Variants in C2CD5 observed in about 807,000 individuals in gnomAD.
C2CD5 encodes C2 calcium dependent domain containing 5.
Under a neutral mutation model 130.3 loss-of-function variants are expected in C2CD5, and 109 were observed. That is an observed-to-expected ratio of 0.84 (90% CI 0.72 to 0.98). The LOEUF is 0.98. C2CD5 is among the 50% of genes least tolerant of loss of function. C2CD5 has a pLI of 0.00. For synonymous variants in C2CD5, 454 were observed against 429.2 expected (o/e 1.06, Z -0.71); for missense variants, 996 against 1,261.8 (o/e 0.79, Z 3.19).
At chr12:22,497,907 TAC>T (rs3063916) in intron 10 of C2CD5, among the ~76,000 whole-genome samples, 12,471 of 145,542 alleles carry the variant, frequency 0.086, 625 homozygotes, top group Non-Finnish European at 0.12. Context: ...TGCACACACA[TAC>T]ACACACACAC....
chr12:22,535,132 G>A (rs1022752494), intron 3 of C2CD5, 126 bp downstream of exon 3: 10 of 660,742 alleles, frequency 1.5e-5, no homozygotes, highest in Non-Finnish European at 2.2e-5. Flanking sequence ...TAGGTAAGCA[G>A]AAAAGAAAAT....
At chr12:22,536,558 A>T (rs1951832190) in intron 2 of C2CD5, among the ~76,000 whole-genome samples, 1 of 152,188 alleles carries the variant, frequency 6.6e-6, no homozygotes, top group African/African-American at 2.4e-5. Context: ...GACTATATGT[A>T]CTGTCACTAG....
chr12:22,453,572 A>G (rs1274797043), intron 26 of C2CD5, among the ~76,000 whole-genome samples: 1 of 152,176 alleles, frequency 6.6e-6, no homozygotes, highest in Non-Finnish European at 1.5e-5. Context: ...CATAGTCCAA[A>G]CTAAAGGATA....
chr12:22,476,497 T>C (rs553002445), intron 15 of C2CD5, among the ~76,000 whole-genome samples: 1 of 152,236 alleles, frequency 6.6e-6, no homozygotes, highest in South Asian at 2.1e-4. Context: ...TTTAAAATCA[T>C]AATAGATTTA....
intron 7 of C2CD5, among the ~76,000 whole-genome samples, chr12:22,522,787 G>A (rs1295701183): frequency 6.6e-6 from 1 of 152,126 alleles, no homozygotes; most frequent in Admixed American, 6.5e-5. Context: ...GGATTATCTG[G>A]TAGAGGGTTT....
chr12:22,489,484 T>C (rs771046174), intron 12 of C2CD5, among the ~76,000 whole-genome samples: 4 of 152,048 alleles, frequency 2.6e-5, no homozygotes, highest in Non-Finnish European at 1.5e-5. Context: ...ACTGAATCCA[T>C]GAAAATGAAA....
At chr12:22,501,789 A>G (rs940571289) in intron 10 of C2CD5, among the ~76,000 whole-genome samples, 1 of 152,118 alleles carries the variant, frequency 6.6e-6, no homozygotes, top group Non-Finnish European at 1.5e-5. Context: ...AACATGCATT[A>G]CTTACATCAA....
At position 22,505,680 on chromosome 12, in the gene C2CD5, T is replaced by A. The variant is rs1202001589; in HGVS notation, c.1147+1031A>T. On this transcript the variant is annotated intron_variant, in intron 10 of 26. Transcript: ENST00000446597. The stretch of plus-strand genomic sequence containing the variant: ...TTCCCACTATTCATCATGCTTATTT[T>A]AGACGTAGAAAAATCACCAGAGGAT... Among the ~76,000 whole-genome samples, 3 of 152,300 alleles carry A rather than the reference T, an allele frequency of 2.0e-5. No individual in the cohort carries two copies. The East Asian group carries it at 5.8e-4, about 29-fold the overall frequency.
chr12:22,496,332 T>C (rs1173923047), intron 10 of C2CD5, among the ~76,000 whole-genome samples: 8 of 152,066 alleles, frequency 5.3e-5, no homozygotes, highest in Non-Finnish European at 7.4e-5. Context: ...TGTGTTTTCC[T>C]ATAAGAAACA....
intron 3 of C2CD5, among the ~76,000 whole-genome samples, chr12:22,530,107 T>TACACAC (rs1212130924): frequency 1.8e-5 from 2 of 111,592 alleles, no homozygotes; most frequent in African/African-American, 8.5e-5. Flanking sequence ...TATATATATA[T>TACACAC]ATATACACAC....
At chr12:22,521,144 AATAGTT>A in intron 7 of C2CD5, among the ~76,000 whole-genome samples, 1 of 152,292 alleles carries the variant, frequency 6.6e-6, no homozygotes, top group East Asian at 1.9e-4. Context: ...TAAATACCAG[AATAGTT>A]ATAATCAGCT....
At chr12:22,499,267 A>G (rs1947437298) in intron 10 of C2CD5, among the ~76,000 whole-genome samples, 1 of 152,148 alleles carries the variant, frequency 6.6e-6, no homozygotes, top group Non-Finnish European at 1.5e-5. Flanking sequence ...CATTTGCCAC[A>G]TTTCAGTAGT....
intron 2 of C2CD5, among the ~76,000 whole-genome samples, chr12:22,536,775 T>G (rs1193808109): frequency 2.0e-5 from 3 of 152,094 alleles, no homozygotes; most frequent in African/African-American, 4.8e-5. Context: ...AAGAAGAAAG[T>G]AAGGGGTTTT....
intron 2 of C2CD5, among the ~76,000 whole-genome samples, chr12:22,539,645 C>T (rs998635298): frequency 8.5e-5 from 13 of 152,162 alleles, no homozygotes; most frequent in African/African-American, 3.1e-4. Context: ...ACAATGAAGA[C>T]TTTTACCATG....
chr12:22,482,841 T>C, intron 13 of C2CD5, 98 bp from the exon 14 acceptor site: 1 of 818,244 alleles, frequency 1.2e-6, no homozygotes, highest in East Asian at 2.5e-5. Flanking sequence ...ATAAAACATT[T>C]ACTTGTTTCT....
intron 8 of C2CD5, among the ~76,000 whole-genome samples, chr12:22,515,685 A>T (rs963455263): frequency 6.6e-6 from 1 of 152,136 alleles, no homozygotes; most frequent in Non-Finnish European, 1.5e-5. Flanking sequence ...ATTAATTTTA[A>T]TATTAACTTC....
At chr12:22,470,984 A>G (rs1452543519) in intron 20 of C2CD5, 73 bp from the exon 21 acceptor site, 2 of 1,020,650 alleles carry the variant, frequency 2.0e-6, no homozygotes, top group East Asian at 4.9e-5. Context: ...TATTTTTTTC[A>G]GTACCACGGA....
chr12:22,474,747 T>G lies in C2CD5; in HGVS notation c.2043+4A>C. The G allele has an allele frequency of 6.3e-7, 1 of 1,591,682 alleles. No individual in the cohort carries two copies. Among genetic ancestry groups the G allele is most frequent in the Non-Finnish European group, 8.5e-7 (1 of 1,170,388 alleles). On this transcript the variant is annotated splice_donor_region_variant and intron_variant, in intron 16 of 26. Transcript: ENST00000446597. Reference sequence around the variant, plus strand: ...TTTAAGAAATTAGTCCAATGCCACATTACCTCCAAAACAAAAGCATCTTTT... The same window carrying G: ...TTTAAGAAATTAGTCCAATGCCACAGTACCTCCAAAACAAAAGCATCTTTT...
intron 2 of C2CD5, among the ~76,000 whole-genome samples, chr12:22,535,787 A>G (rs1286691751): frequency 1.3e-5 from 2 of 152,210 alleles, no homozygotes; most frequent in Non-Finnish European, 2.9e-5. Flanking sequence ...AAAGACCAAA[A>G]GATTTGAAAA....
Sources: allele counts gnomAD v4.1 joint callset (sites outside exome capture counted in the v4.1 genomes callset), GRCh38; gene constraint gnomAD v4.1.1; transcripts MANE v1.5; gene names NCBI Gene and HGNC (gene_info 2026-07-23, HGNC 2026-07-21).